TSPAN9: variants seen among roughly 807,000 people sequenced by gnomAD.
The protein encoded by TSPAN9 is tetraspanin-9.
A neutral mutation model predicts 31.0 loss-of-function variants in TSPAN9; 16 were observed. That is an observed-to-expected ratio of 0.52 (90% CI 0.35 to 0.78). TSPAN9 has a LOEUF of 0.78. Among genes scored for constraint, TSPAN9 ranks in the 30% least tolerant of loss-of-function variants. The pLI is 0.01. For synonymous variants in TSPAN9, 145 were observed against 121.6 expected (o/e 1.19, Z -1.27); for missense variants, 272 against 312.5 (o/e 0.87, Z 0.98).
At chr12:3,202,094 G>A (rs2098372230) in intron 3 of TSPAN9, among the ~76,000 whole-genome samples, 1 of 152,246 alleles carries the variant, frequency 6.6e-6, no homozygotes, top group Non-Finnish European at 1.5e-5. Context: ...TCTGTCCTCT[G>A]TGTGACTCTG....
intron 3 of TSPAN9, among the ~76,000 whole-genome samples, chr12:3,237,185 G>C (rs919159360): frequency 2.0e-5 from 3 of 152,146 alleles, no homozygotes; most frequent in Non-Finnish European, 4.4e-5. Flanking sequence ...GGGCCACGGG[G>C]TCATTGTATT....
chr12:3,193,150 C>T (rs2098365318), intron 2 of TSPAN9, among the ~76,000 whole-genome samples: 1 of 151,876 alleles, frequency 6.6e-6, no homozygotes, highest in Admixed American at 6.6e-5. Context: ...TCATCTAGTC[C>T]CAAGGCCCAG....
At chr12:3,259,422 T>C (rs1056727040) in intron 3 of TSPAN9, among the ~76,000 whole-genome samples, 2 of 152,162 alleles carry the variant, frequency 1.3e-5, no homozygotes, top group African/African-American at 4.8e-5. Flanking sequence ...CCTCCCTCCA[T>C]CCCTCCTTCT....
intron 2 of TSPAN9, among the ~76,000 whole-genome samples, chr12:3,154,635 T>C (rs969289117): frequency 3.3e-5 from 5 of 152,236 alleles, no homozygotes; most frequent in African/African-American, 1.2e-4. Flanking sequence ...TTCATTGTTT[T>C]GCAGCAGGTT....
At chr12:3,167,706 T>C (rs2098349273) in intron 2 of TSPAN9, among the ~76,000 whole-genome samples, 1 of 152,192 alleles carries the variant, frequency 6.6e-6, no homozygotes, top group South Asian at 2.1e-4. Context: ...GCTGTGAGCA[T>C]GGTCTCCCGC....
At chr12:3,260,429 G>A (rs891658873) in intron 3 of TSPAN9, among the ~76,000 whole-genome samples, 1 of 152,220 alleles carries the variant, frequency 6.6e-6, no homozygotes, top group Admixed American at 6.5e-5. Context: ...GACCCTTGTG[G>A]TTCTTGACAG....
At chr12:3,116,671 T>G (rs883594) in intron 2 of TSPAN9, among the ~76,000 whole-genome samples, 2 of 151,854 alleles carry the variant, frequency 1.3e-5, no homozygotes, top group South Asian at 4.1e-4. Context: ...AACTGCCCCC[T>G]GCTGCTGCAC....
chr12:3,220,756 A>G lies in TSPAN9; in HGVS notation c.63+19500A>G, dbSNP rs2098384057. 2.0e-5 allele frequency among the ~76,000 whole-genome samples: 3 copies of G among 150,566 alleles called. No homozygotes were observed. In the South Asian group the frequency reaches 6.3e-4, roughly 31 times the overall value. On this transcript the variant is annotated intron_variant, in intron 3 of 8. Transcript: ENST00000011898. The stretch of plus-strand genomic sequence containing the variant: ...GACCTGTTTCCTGTGCTGCCGGGGA[A>G]GAGTGCACCACACCGCCCAGCACAG...
intron 2 of TSPAN9, among the ~76,000 whole-genome samples, chr12:3,100,546 C>T (rs143282012): frequency 2.2e-4 from 34 of 152,224 alleles, no homozygotes; most frequent in African/African-American, 7.7e-4. Flanking sequence ...GCCTGTTGCC[C>T]GATGTCTGAA....
At position 3,192,158 on chromosome 12, in the gene TSPAN9, G is replaced by T. The variant is rs936787792; in HGVS notation, c.-17-9019G>T. 2.0e-5 allele frequency among the ~76,000 whole-genome samples: 3 copies of T among 152,138 alleles called. No individual in the cohort carries two copies. Among genetic ancestry groups the T allele is most frequent in the African/African-American group, 7.2e-5 (3 of 41,418 alleles). On this transcript the variant is annotated intron_variant, in intron 2 of 8. Transcript: ENST00000011898. This position sits in a 1 kb window ranked among gnomAD's most constrained non-coding sequence, Gnocchi z 4.6. ...AAGGCAGGGATCAGTCATGCCGGCCGTTTAGGGTTGCTCTAAGGATTTGGA... is the reference window on the plus strand; with the variant it reads ...AAGGCAGGGATCAGTCATGCCGGCCTTTTAGGGTTGCTCTAAGGATTTGGA...
chr12:3,186,127 A>AGTCAGCTG lies in TSPAN9; in HGVS notation c.-17-15049_-17-15048insTCAGCTGG, dbSNP rs539372505. ...CAGGTATCCTGAGTCTCAGCTGGGCAGGCGCTAACTACAGGGCTCCCTCAC... is the reference window on the plus strand; with the variant it reads ...CAGGTATCCTGAGTCTCAGCTGGGCAGTCAGCTGGGCGCTAACTACAGGGCTCCCTCAC... On this transcript the variant is annotated intron_variant, in intron 2 of 8. Coordinates refer to ENST00000011898, the MANE Select transcript of TSPAN9 (RefSeq NM_006675.5). 6.2e-4 allele frequency among the ~76,000 whole-genome samples: 95 copies of AGTCAGCTG among 152,344 alleles called. 1 individual carries two copies. The highest frequency in any genetic ancestry group is 2.1e-3 in the African/African-American group (88 of 41,582).
intron 3 of TSPAN9, chr12:3,273,171 C>A (rs565468234): frequency 6.6e-6 from 1 of 152,266 alleles, no homozygotes; most frequent in African/African-American, 2.4e-5. Context: ...GTTGCCAGCC[C>A]TGCTCTAGGC....
At chr12:3,226,738 GTGTGTGTATATATATATATA>G (rs2098387633) in intron 3 of TSPAN9, among the ~76,000 whole-genome samples, 190 of 10,590 alleles carry the variant, frequency 0.018, 22 homozygotes, top group Non-Finnish European at 0.021. Context: ...GTGTGTGTGT[GTGTGTGTATATATATATATA>G]TATATATATA....
intron 2 of TSPAN9, among the ~76,000 whole-genome samples, chr12:3,165,911 G>T (rs1047477918): frequency 6.6e-6 from 1 of 152,200 alleles, no homozygotes; most frequent in South Asian, 2.1e-4. Context: ...CAGGGGACGG[G>T]CCTCAAGGAG....
chr12:3,110,552 C>T lies in TSPAN9; in HGVS notation c.-18+26833C>T, dbSNP rs1355226032. On this transcript the variant is annotated intron_variant, in intron 2 of 8. Coordinates refer to ENST00000011898, the MANE Select transcript of TSPAN9 (RefSeq NM_006675.5). The stretch of plus-strand genomic sequence containing the variant: ...TAACAGTCCAATGGGTGTTTTTTTT[C>T]AGCCTTGTGGGAAAGGAACAAAAGT... 4.6e-5 allele frequency among the ~76,000 whole-genome samples: 7 copies of T among 151,924 alleles called. No individual in the cohort carries two copies. In the East Asian group the frequency reaches 1.3e-3, roughly 29 times the overall value.
chr12:3,150,046 T>A (rs2098339069), intron 2 of TSPAN9, among the ~76,000 whole-genome samples: 1 of 151,990 alleles, frequency 6.6e-6, no homozygotes, highest in Non-Finnish European at 1.5e-5. Context: ...GTGGGCAGGA[T>A]TAGGTGGAGT....
chr12:3,136,916 G>A (rs1453223748), intron 2 of TSPAN9, among the ~76,000 whole-genome samples: 3 of 152,192 alleles, frequency 2.0e-5, no homozygotes, highest in Admixed American at 6.5e-5. Flanking sequence ...CTGTGGAGCC[G>A]CCAGGTGGTC....
At chr12:3,128,016 C>T (rs1027866181) in intron 2 of TSPAN9, among the ~76,000 whole-genome samples, 7 of 152,206 alleles carry the variant, frequency 4.6e-5, no homozygotes, top group Admixed American at 2.6e-4. Context: ...TGTTGGATTA[C>T]GACACCTATG....
intron 3 of TSPAN9, among the ~76,000 whole-genome samples, chr12:3,202,453 G>T (rs1231001445): frequency 2.0e-5 from 3 of 152,220 alleles, no homozygotes; most frequent in African/African-American, 7.2e-5. Context: ...GTGTGGAGGG[G>T]TGACTTTTCC....
Sources: allele counts gnomAD v4.1 joint callset (sites outside exome capture counted in the v4.1 genomes callset), GRCh38; gene constraint gnomAD v4.1.1; non-coding constraint Gnocchi (gnomAD v3.1); transcripts MANE v1.5; gene names NCBI Gene and HGNC (gene_info 2026-07-23, HGNC 2026-07-21).